Variants in RNF39 observed in about 807,000 individuals in gnomAD.
The protein encoded by RNF39 is LTP (long-term potentiation) induced RING finger protein.
RNF39 carries 25 observed loss-of-function variants against 29.2 expected under a neutral mutation model. The observed-to-expected ratio is 0.86, with a 90% CI of 0.62 to 1.20. The LOEUF is 1.20. RNF39 is among the 50% of genes most tolerant of loss of function. The probability of loss-of-function intolerance (pLI) is 0.00; values close to 1 mark genes in which losing one functional copy is unlikely to be tolerated. For synonymous variants in RNF39, 219 were observed against 229.0 expected, an observed-to-expected ratio of 0.96 and a Z score of 0.40; for missense variants, 519 against 515.0, an observed-to-expected ratio of 1.01 and a Z score of -0.08.
At position 30,071,168 on chromosome 6, in the gene RNF39, C is replaced by G; in HGVS notation, c.1002G>C (p.Pro334=). Residue 334 remains proline, a synonymous_variant, in exon 4 of 4, where the codon CCG becomes CCC. Coordinates refer to ENST00000244360, the MANE Select transcript of RNF39 (RefSeq NM_025236.4). This position sits in a 1 kb window ranked among gnomAD's most constrained non-coding sequence, Gnocchi z 5.0. The part of the protein sequence containing the change: ...APGPLGERIF[P]LFCTCDPRAP... ...CACGAGGGTCGCAGGTGCAGAACAG[C>G]GGGAAGATGCGCTCCCCCAGGGGGC... The G allele has an allele frequency of 8.5e-6, 13 of 1,526,532 alleles. No homozygotes were observed. The highest frequency in any genetic ancestry group is 1.1e-5 in the Non-Finnish European group (13 of 1,138,462). The allele number at this position is 1,526,532 out of a possible 1,614,324, so 94.6% of individuals were successfully genotyped here.
In RNF39 at chr6:30,074,272, CTAAT is replaced by C. The variant is rs1393949262; in HGVS notation, c.364-798_364-795del. ...CATAATTGTGCCAATTACTTTCAGA[CTAAT>C]TAGGTCTATGAAGACTTCAAAGGGC... On this transcript the variant is annotated intron_variant, in intron 1 of 3. Coordinates refer to ENST00000244360, the MANE Select transcript of RNF39 (RefSeq NM_025236.4). This position sits in a 1 kb window ranked among gnomAD's most constrained non-coding sequence, Gnocchi z 4.1. Among the ~76,000 whole-genome samples, 1 of 152,188 alleles carries C rather than the reference CTAAT, an allele frequency of 6.6e-6. No homozygotes were observed. Among genetic ancestry groups the C allele is most frequent in the African/African-American group, 2.4e-5 (1 of 41,426 alleles).
Position 30,070,769 on chromosome 6 carries a change from A to C in RNF39, c.*342T>G. ...CAAGTATTTGACCAGCAGAGCCTCT[A>C]TGTAGGAATCATGGTCACTTTACCA... On this transcript the variant is annotated 3_prime_UTR_variant, in exon 4 of 4. Coordinates refer to ENST00000244360, the MANE Select transcript of RNF39 (RefSeq NM_025236.4). 1 of 546,596 alleles carries C rather than the reference A, an allele frequency of 1.8e-6. No individual in the cohort carries two copies. The highest frequency in any genetic ancestry group is 3.5e-6 in the Non-Finnish European group (1 of 285,456). 33.9% of individuals were successfully genotyped at this position (546,596 alleles called of 1,614,324 possible).
At chr6:30,075,048 G>T (rs1258722529) in intron 1 of RNF39, among the ~76,000 whole-genome samples, 175 bp downstream of exon 1, 1 of 152,136 alleles carries the variant, frequency 6.6e-6, no homozygotes, top group African/African-American at 2.4e-5. Flanking sequence ...GTCCTTCCGG[G>T]CGCCTCTCAC....
Position 30,073,191 on chromosome 6 carries a change from A to T in RNF39, c.444T>A (p.Tyr148Ter). ...TATGAAGCATTTTTTTGACCACTGG[A>T]TAATCTTCAGGGAGATCATCCTCTG... ...SNSEDDLPED[Y>*]PVVKKMLHRL... is the part of the protein sequence containing the mutation. Residue 148 changes from tyrosine to a stop codon, truncating the protein, a stop_gained, in exon 3 of 4, where the codon TAT (tyrosine) becomes TAA (stop). Coordinates refer to ENST00000244360, the MANE Select transcript of RNF39 (RefSeq NM_025236.4). LOFTEE classifies it high-confidence loss of function. 6.2e-7 allele frequency: 1 copy of T among 1,612,054 alleles called. No homozygotes were observed. Among genetic ancestry groups the T allele is most frequent in the Non-Finnish European group, 8.5e-7 (1 of 1,178,224 alleles).
At chr6:30,073,433 G>A in intron 2 of RNF39, 23 bp downstream of exon 2, 3 of 1,614,040 alleles carry the variant, frequency 1.9e-6, no homozygotes, top group Non-Finnish European at 2.5e-6. Context: ...GAGAAAAGGA[G>A]GGAACAGAAA....
chr6:30,075,222 C>T lies in RNF39; in HGVS notation c.363+1G>A, dbSNP rs1359527835. ...ACTCCGCGACGCGCGCCCAGCCTCA[C>T]CTCTCCGGGCAGGTCCAGGCAGCCC... is the stretch of plus-strand genomic sequence containing the variant. On this transcript the variant is annotated splice_donor_variant, in intron 1 of 3. Transcript: ENST00000244360. LOFTEE classifies it high-confidence loss of function. 1.3e-6 allele frequency: 2 copies of T among 1,585,048 alleles called. No individual in the cohort carries two copies. Among genetic ancestry groups the T allele is most frequent in the South Asian group, 2.3e-5 (2 of 88,094 alleles).
In RNF39 at chr6:30,071,190, G is replaced by T. The variant is rs764001778; in HGVS notation, c.980C>A (p.Pro327His). The T allele has an allele frequency of 1.3e-6, 2 of 1,519,698 alleles. No individual in the cohort carries two copies. Among genetic ancestry groups the T allele is most frequent in the Non-Finnish European group, 1.8e-6 (2 of 1,136,940 alleles). The allele number at this position is 1,519,698 out of a possible 1,614,324, so 94.1% of individuals were successfully genotyped here. Residue 327 changes from proline to histidine, a missense_variant, in exon 4 of 4, where the codon CCC becomes CAC. Pro to His is a moderately conservative substitution (Grantham distance 77). Coordinates refer to ENST00000244360, the MANE Select transcript of RNF39 (RefSeq NM_025236.4). The surrounding 1 kb of genome is among the most constrained non-coding windows in gnomAD (Gnocchi z 5.0). The stretch of plus-strand genomic sequence containing the variant: ...CAGCGGGAAGATGCGCTCCCCCAGG[G>T]GGCCAGGCGCCTGGAAGGCGTAAAG... Reference protein sequence around the residue: ...DLLYAFQAPGPLGERIFPLFC... With the variant: ...DLLYAFQAPGHLGERIFPLFC...
At chr6:30,073,079 C>A in intron 3 of RNF39, 78 bp downstream of exon 3, 1 of 1,017,522 alleles carries the variant, frequency 9.8e-7, no homozygotes. Flanking sequence ...AGGACCTGAT[C>A]ACTTTTTAGG....
In RNF39 at chr6:30,071,558, A is replaced by T. The variant is rs902373382; in HGVS notation, c.612T>A (p.Ala204=). 1 of 1,504,390 alleles carries T rather than the reference A, an allele frequency of 6.6e-7. No individual in the cohort carries two copies. Among genetic ancestry groups the T allele is most frequent in the Admixed American group, 2.2e-5 (1 of 44,550 alleles). The allele number at this position is 1,504,390 out of a possible 1,614,324, so 93.2% of individuals were successfully genotyped here. A position where few individuals can be genotyped will look rare whatever the true frequency, so the allele number is the denominator to read the frequency against. ...DGPKRFDQLP[A]VLGAQGFGAG... ...CCCCGAAGCCCTGCGCACCCAGCAC[A>T]GCTGGGAGCTGATCGAAGCGCTTGG... The change falls in exon 4 of 4, where the codon GCT becomes GCA. Residue 204 remains alanine (A), a synonymous_variant. Coordinates refer to ENST00000244360, the MANE Select transcript of RNF39 (RefSeq NM_025236.4). This position sits in a 1 kb window ranked among gnomAD's most constrained non-coding sequence, Gnocchi z 5.0.
At position 30,071,658 on chromosome 6, in the gene RNF39, C is replaced by T; in HGVS notation, c.512G>A (p.Arg171His). The T allele has an allele frequency of 7.0e-7, 1 of 1,428,570 alleles. No homozygotes were observed. The highest frequency in any genetic ancestry group is 2.8e-5 in the Admixed American group (1 of 35,198). 88.5% of individuals were successfully genotyped at this position (1,428,570 alleles called of 1,614,324 possible). ...DLTLDPGTAH[R>H]RLLISADRRS... ...GCGGTCGGCGGAGATGAGCAGGCGG[C>T]GGTGTGCGGTCCCAGGGTCCAGGGT... Residue 171 changes from arginine to histidine, a missense_variant, in exon 4 of 4, where the codon CGC (arginine) becomes CAC (histidine). Physicochemically the swap from Arg to His is conservative, Grantham distance 29. Coordinates refer to ENST00000244360, the MANE Select transcript of RNF39 (RefSeq NM_025236.4). The surrounding 1 kb of genome is among the most constrained non-coding windows in gnomAD (Gnocchi z 5.0).
At chr6:30,073,603 G>C (rs1766171410) in intron 1 of RNF39, 125 bp from the exon 2 acceptor site, 1 of 970,326 alleles carries the variant, frequency 1.0e-6, no homozygotes, top group South Asian at 1.6e-5. Flanking sequence ...TCACCTTTCA[G>C]AGTGATCTCA....
In RNF39 at chr6:30,072,213, G is replaced by C. The variant is rs1353505536; in HGVS notation, c.479-522C>G. ...ACCAGCCCACCCACCCACAGGAATT[G>C]GGGGGTGGGGTGGACAGTCCTATTT... On this transcript the variant is annotated intron_variant, in intron 3 of 3. Coordinates refer to ENST00000244360, the MANE Select transcript of RNF39 (RefSeq NM_025236.4). The surrounding 1 kb of genome is among the most constrained non-coding windows in gnomAD (Gnocchi z 4.5). 1.3e-5 allele frequency among the ~76,000 whole-genome samples: 2 copies of C among 152,112 alleles called. No homozygotes were observed. Among genetic ancestry groups the C allele is most frequent in the African/African-American group, 4.8e-5 (2 of 41,408 alleles).
Position 30,070,880 on chromosome 6 carries a change from GGA to G in RNF39, c.*229_*230del, listed in dbSNP as rs1318215732. On this transcript the variant is annotated 3_prime_UTR_variant, in exon 4 of 4. Coordinates refer to ENST00000244360, the MANE Select transcript of RNF39 (RefSeq NM_025236.4). ...CAGGAAGTACTGTAGTAGCTGTAGG[GGA>G]GAGAAGATTCTGAGAGCCAGAAGGC... 2 of 700,110 alleles carry G rather than the reference GGA, an allele frequency of 2.9e-6. No individual in the cohort carries two copies. Among genetic ancestry groups the G allele is most frequent in the Admixed American group, 4.0e-5 (2 of 49,916 alleles). 43.4% of individuals were successfully genotyped at this position (700,110 alleles called of 1,614,324 possible).
Position 30,073,206 on chromosome 6 carries a change from A to T in RNF39, c.429T>A (p.Asp143Glu). 1 of 1,612,860 alleles carries T rather than the reference A, an allele frequency of 6.2e-7. No homozygotes were observed. Among genetic ancestry groups the T allele is most frequent in the Non-Finnish European group, 8.5e-7 (1 of 1,179,008 alleles). The change falls in exon 3 of 4, where the codon GAT becomes GAA. Residue 143 changes from aspartate (D) to glutamate (E), a missense_variant. By Grantham distance (45) the Asp-to-Glu change is conservative (BLOSUM62 2). Coordinates refer to ENST00000244360, the MANE Select transcript of RNF39 (RefSeq NM_025236.4). ...PTSKSSNSED[D>E]LPEDYPVVKK... is the part of the protein sequence containing the mutation. ...TGACCACTGGATAATCTTCAGGGAG[A>T]TCATCCTCTGAATTAGATGACTTGG...
Position 30,073,441 on chromosome 6 carries a change from A to G in RNF39, c.386+15T>C. 2 of 1,614,142 alleles carry G rather than the reference A, an allele frequency of 1.2e-6. No individual in the cohort carries two copies. The highest frequency in any genetic ancestry group is 2.2e-5 in the South Asian group (2 of 91,088). ...AGCTGGTGAGAAAAGGAGGGAACAG[A>G]AAAGTGGAACTCACCGTCTCCATGT... is the stretch of plus-strand genomic sequence containing the variant. On this transcript the variant is annotated intron_variant, in intron 2 of 3. Coordinates refer to ENST00000244360, the MANE Select transcript of RNF39 (RefSeq NM_025236.4).
In RNF39 at chr6:30,073,063, T is replaced by A. The variant is rs560780185; in HGVS notation, c.478+94A>T. 2.6e-5 allele frequency: 23 copies of A among 878,802 alleles called. No individual in the cohort carries two copies. The East Asian group carries it at 5.3e-4, about 20-fold the overall frequency. The allele number at this position is 878,802 out of a possible 1,614,324, so 54.4% of individuals were successfully genotyped here. Reference sequence around the variant, plus strand: ...CAGTACTAGGAAACTAATGCAGACATCAAAAAGGACCTGATCACTTTTTAG... The same window carrying A: ...CAGTACTAGGAAACTAATGCAGACAACAAAAAGGACCTGATCACTTTTTAG... On this transcript the variant is annotated intron_variant, in intron 3 of 3. Coordinates refer to ENST00000244360, the MANE Select transcript of RNF39 (RefSeq NM_025236.4).
In RNF39 at chr6:30,074,428, G is replaced by GC. The variant is rs1405151709; in HGVS notation, c.363+794dup. On this transcript the variant is annotated intron_variant, in intron 1 of 3. Coordinates refer to ENST00000244360, the MANE Select transcript of RNF39 (RefSeq NM_025236.4). This position sits in a 1 kb window ranked among gnomAD's most constrained non-coding sequence, Gnocchi z 4.1. ...CAAGGAGCCGGGGCCCAGGAGAGGC[G>GC]CGGGGGGTAGATGGGTGGTAAGACT... is the stretch of plus-strand genomic sequence containing the variant. Among the ~76,000 whole-genome samples, 2 of 152,126 alleles carry GC rather than the reference G, an allele frequency of 1.3e-5. No individual in the cohort carries two copies. The highest frequency in any genetic ancestry group is 4.8e-5 in the African/African-American group (2 of 41,432).
Position 30,075,320 on chromosome 6 carries a change from C to T in RNF39, c.266G>A (p.Arg89His). 1 of 1,592,880 alleles carries T rather than the reference C, an allele frequency of 6.3e-7. No homozygotes were observed. Among genetic ancestry groups the T allele is most frequent in the South Asian group, 1.1e-5 (1 of 88,254 alleles). The change falls in exon 1 of 4, where the codon CGC (arginine) becomes CAC (histidine). Residue 89 changes from arginine (R) to histidine (H), a missense_variant. Transcript: ENST00000244360. Reference protein sequence around the residue: ...VRLAVEVRISRELREKLAEPG... With the variant: ...VRLAVEVRISHELREKLAEPG... ...CTCAGCCAGCTTCTCTCGCAGCTCG[C>T]GGCTGATTCGCACCTCCACCGCCAG...
chr6:30,074,681 C>T lies in RNF39; in HGVS notation c.363+542G>A, dbSNP rs1436944103. Among the ~76,000 whole-genome samples, 1 of 152,006 alleles carries T rather than the reference C, an allele frequency of 6.6e-6. No individual in the cohort carries two copies. Among genetic ancestry groups the T allele is most frequent in the Non-Finnish European group, 1.5e-5 (1 of 68,000 alleles). ...TCCATCCTCTTGTCAGTCCCCTCCT[C>T]CCCAGCTTTTTCTCCGCCCCCAACC... On this transcript the variant is annotated intron_variant, in intron 1 of 3. Transcript: ENST00000244360. This position sits in a 1 kb window ranked among gnomAD's most constrained non-coding sequence, Gnocchi z 4.1.
Sources: allele counts gnomAD v4.1 joint callset (sites outside exome capture counted in the v4.1 genomes callset), GRCh38; gene constraint gnomAD v4.1.1; non-coding constraint Gnocchi (gnomAD v3.1); transcripts MANE v1.5; gene names NCBI Gene and HGNC (gene_info 2026-07-23, HGNC 2026-07-21).